TET2: variants seen among roughly 807,000 people sequenced by gnomAD.
TET2 encodes tet methylcytosine dioxygenase 2.
Under a neutral mutation model 142.9 loss-of-function variants are expected in TET2, and 299 were observed. That is an observed-to-expected ratio of 2.09 (90% confidence interval 1.90 to 2.30). TET2 has a LOEUF of 2.30. Among genes scored for constraint, TET2 ranks in the 30% most tolerant of loss-of-function variants. TET2 has a pLI of 0.00. For synonymous variants in TET2, 819 were observed against 849.0 expected (o/e 0.96, Z 0.61); for missense variants, 2,418 against 2,378.0 (o/e 1.02, Z -0.35).
chr4:105,173,539 A>G (rs565120364), intron 1 of TET2, among the ~76,000 whole-genome samples: 1 of 152,276 alleles, frequency 6.6e-6, no homozygotes, highest in South Asian at 2.1e-4. Flanking sequence ...TCTCAAACAA[A>G]CAAAAAAGAC....
chr4:105,225,127 T>C (rs1047002500), intron 2 of TET2, among the ~76,000 whole-genome samples: 3 of 152,148 alleles, frequency 2.0e-5, no homozygotes, highest in Non-Finnish European at 4.4e-5. Flanking sequence ...TAATTCACTT[T>C]GTTGCCTTTT....
intron 2 of TET2, among the ~76,000 whole-genome samples, chr4:105,200,320 G>A (rs1450372073): frequency 6.6e-6 from 1 of 152,048 alleles, no homozygotes; most frequent in Non-Finnish European, 1.5e-5. Context: ...TCATATGTTT[G>A]TTGGCCGCAT....
chr4:105,277,440 G>A lies in TET2; in HGVS notation c.*921G>A. On this transcript the variant is annotated 3_prime_UTR_variant, in exon 11 of 11. Coordinates refer to ENST00000380013, the MANE Select transcript of TET2 (RefSeq NM_001127208.3). ...GAAGCACTTTGTCTACCTAAGCTTT[G>A]ACAACTTGAACAATGCTAAGGTACT... is the stretch of plus-strand genomic sequence containing the variant. 4.4e-6 allele frequency: 1 copy of A among 226,246 alleles called. No individual in the cohort carries two copies. The highest frequency in any genetic ancestry group is 6.4e-5 in the East Asian group (1 of 15,582). The allele number at this position is 226,246 out of a possible 1,614,324, so 14.0% of individuals were successfully genotyped here.
At chr4:105,233,062 C>A (rs751483545) in intron 2 of TET2, among the ~76,000 whole-genome samples, 3 of 151,892 alleles carry the variant, frequency 2.0e-5, no homozygotes, top group Admixed American at 6.6e-5. Flanking sequence ...GAAGGGCAGA[C>A]GGGGCTAGGG....
intron 1 of TET2, among the ~76,000 whole-genome samples, chr4:105,184,600 C>G (rs1725315732): frequency 6.6e-6 from 1 of 152,160 alleles, no homozygotes; most frequent in Non-Finnish European, 1.5e-5. Flanking sequence ...AAAACTTTGA[C>G]TACTGTAGTG....
chr4:105,270,433 T>C (rs992596578), intron 9 of TET2, among the ~76,000 whole-genome samples: 1 of 152,188 alleles, frequency 6.6e-6, no homozygotes, highest in Non-Finnish European at 1.5e-5. Context: ...GCCAGTTACC[T>C]GGTAGATTGT....
At chr4:105,205,079 G>C (rs1726739260) in intron 2 of TET2, among the ~76,000 whole-genome samples, 1 of 151,988 alleles carries the variant, frequency 6.6e-6, no homozygotes, top group African/African-American at 2.4e-5. Context: ...TTATACTATA[G>C]CTATAGCCAA....
intron 1 of TET2, among the ~76,000 whole-genome samples, chr4:105,187,866 T>G (rs1337993859): frequency 6.6e-6 from 1 of 152,156 alleles, no homozygotes; most frequent in East Asian, 1.9e-4. Flanking sequence ...CAGGTGTTAG[T>G]GCGGATATGG....
chr4:105,220,790 G>A (rs1727773144), intron 2 of TET2, among the ~76,000 whole-genome samples: 1 of 152,146 alleles, frequency 6.6e-6, no homozygotes, highest in African/African-American at 2.4e-5. Context: ...TACCCTGATA[G>A]GAGAGATCTG....
intron 2 of TET2, among the ~76,000 whole-genome samples, chr4:105,201,562 G>A (rs1301292710): frequency 1.3e-5 from 2 of 152,032 alleles, no homozygotes; most frequent in African/African-American, 2.4e-5. Flanking sequence ...TTATTTGTGA[G>A]AGTTGTGTTT....
chr4:105,201,297 A>G (rs1319210941), intron 2 of TET2, among the ~76,000 whole-genome samples: 1 of 152,214 alleles, frequency 6.6e-6, no homozygotes, highest in Non-Finnish European at 1.5e-5. Context: ...ACAAATGTGT[A>G]ATTTAGGAAT....
intron 2 of TET2, among the ~76,000 whole-genome samples, chr4:105,223,449 A>G (rs1727978963): frequency 6.6e-6 from 1 of 152,166 alleles, no homozygotes; most frequent in Non-Finnish European, 1.5e-5. Context: ...TCTTTACCTC[A>G]AGAGTGAGAC....
At position 105,234,659 on chromosome 4, in the gene TET2, C is replaced by T. The variant is rs879563865; in HGVS notation, c.717C>T (p.Ser239=). The T allele has an allele frequency of 1.9e-6, 3 of 1,614,112 alleles. No individual in the cohort carries two copies. The highest frequency in any genetic ancestry group is 2.5e-6 in the Non-Finnish European group (3 of 1,180,022). The change falls in exon 3 of 11, where the codon TCC becomes TCT. Residue 239 remains serine (S), a synonymous_variant. Transcript: ENST00000380013. ...CTCAATATTATCCAGATTGTGTTTC[C>T]ATTGCGGTGCAGAAAACCACATCTC... ...TLSQYYPDCV[S]IAVQKTTSHI...
At chr4:105,211,380 A>G (rs576145531) in intron 2 of TET2, among the ~76,000 whole-genome samples, 4 of 152,328 alleles carry the variant, frequency 2.6e-5, no homozygotes, top group African/African-American at 9.6e-5. Flanking sequence ...AATCCAGACT[A>G]TCTTGTTCAT....
chr4:105,258,477 A>G (rs979700037), intron 6 of TET2, among the ~76,000 whole-genome samples: 11 of 150,064 alleles, frequency 7.3e-5, no homozygotes, highest in Admixed American at 6.6e-4. Context: ...ATGGGAAATT[A>G]TATTTAGAGA....
intron 1 of TET2, among the ~76,000 whole-genome samples, chr4:105,148,227 T>C (rs1296743751): frequency 4.6e-5 from 7 of 152,218 alleles, no homozygotes; most frequent in African/African-American, 1.7e-4. Flanking sequence ...AAATGAAATA[T>C]AAGTGTTATT....
chr4:105,161,290 A>G lies in TET2; in HGVS notation c.-193+14311A>G, dbSNP rs75262486. ...GCAAAAGCAGCCTTCTGGATATGAAAAGATATTACTTCTTTAGTGTTTATT... is the reference window on the plus strand; with the variant it reads ...GCAAAAGCAGCCTTCTGGATATGAAGAGATATTACTTCTTTAGTGTTTATT... On this transcript the variant is annotated intron_variant, in intron 1 of 10. Coordinates refer to ENST00000380013, the MANE Select transcript of TET2 (RefSeq NM_001127208.3). Among the ~76,000 whole-genome samples, 1,486 of 152,230 alleles carry G rather than the reference A, an allele frequency of 9.8e-3. 27 individuals are homozygous for G. Among genetic ancestry groups the G allele is most frequent in the African/African-American group, 0.033 (1,370 of 41,556 alleles).
chr4:105,179,272 TG>T lies in TET2; in HGVS notation c.-192-11087del, dbSNP rs1724983414. The stretch of plus-strand genomic sequence containing the variant: ...AGTGTTTCATTTCAAGTTGTCTTTT[TG>T]ACCTCCATTTTCCAATTTCTGGTTA... On this transcript the variant is annotated intron_variant, in intron 1 of 10. Transcript: ENST00000380013. Among the ~76,000 whole-genome samples the T allele has an allele frequency of 2.0e-5, 3 of 152,240 alleles. No homozygotes were observed. In the South Asian group the frequency reaches 6.2e-4, roughly 32 times the overall value.
chr4:105,194,165 C>G (rs1725946605), intron 2 of TET2, among the ~76,000 whole-genome samples: 1 of 152,104 alleles, frequency 6.6e-6, no homozygotes, highest in African/African-American at 2.4e-5. Context: ...ATTTTGCTGG[C>G]TTGCTTGTGG....
Sources: gnomAD v4.1 joint callset for allele counts (sites outside exome capture counted in the v4.1 genomes callset) on GRCh38, gnomAD v4.1.1 for gene constraint, MANE v1.5 for transcripts, NCBI Gene and HGNC (gene_info 2026-07-23, HGNC 2026-07-21) for gene names.